Variants in MICAL2 observed in about 807,000 individuals in gnomAD.
The protein encoded by MICAL2 is microtubule associated monooxygenase, calponin and LIM domain containing 2.
Under a neutral mutation model 127.3 loss-of-function variants are expected in MICAL2, and 77 were observed. The observed-to-expected ratio is 0.60, with a 90% CI of 0.50 to 0.73. MICAL2 has a LOEUF of 0.73. Among genes scored for constraint, MICAL2 ranks in the 30% least tolerant of loss-of-function variants. The pLI is 0.00. For missense variants in MICAL2, 1,351 were observed against 1,434.4 expected, an observed-to-expected ratio of 0.94 and a Z score of 0.94; for synonymous variants, 570 against 551.1, an observed-to-expected ratio of 1.03 and a Z score of -0.48.
chr11:12,262,202 G>A lies in MICAL2; in HGVS notation c.3335-278G>A, dbSNP rs181390179. 1,321 of 1,326,924 alleles carry A rather than the reference G, an allele frequency of 1.0e-3. 13 individuals carry two copies. The highest frequency in any genetic ancestry group is 7.9e-3 in the African/African-American group (530 of 67,454). The allele number at this position is 1,326,924 out of a possible 1,614,324, so 82.2% of individuals were successfully genotyped here. A position where few individuals can be genotyped will look rare whatever the true frequency, so the allele number is the denominator to read the frequency against. ...CTCCGCAACATATTCAAGAATGAAT[G>A]GGAGACGCTAGAGTAAAATGGGGGC... On this transcript the variant is annotated intron_variant, in intron 26 of 27. Transcript: ENST00000683283.
chr11:12,196,349 T>G (rs1482236822), intron 3 of MICAL2: 1 of 152,010 alleles, frequency 6.6e-6, no homozygotes, highest in Non-Finnish European at 1.5e-5. Context: ...GTTATGTGAG[T>G]AATGCGTATT....
intron 4 of MICAL2, among the ~76,000 whole-genome samples, chr11:12,204,908 A>G (rs1042876458): frequency 3.9e-5 from 6 of 152,188 alleles, no homozygotes; most frequent in African/African-American, 9.7e-5. Flanking sequence ...ACACAAAACC[A>G]TTAATGGGCC....
chr11:12,208,311 GT>G (rs1405634702), intron 5 of MICAL2, 172 bp downstream of exon 5: 3 of 557,008 alleles, frequency 5.4e-6, no homozygotes, highest in Non-Finnish European at 9.5e-6. Context: ...ATGACTTTAG[GT>G]TTGCTGTTTG....
intron 2 of MICAL2, among the ~76,000 whole-genome samples, chr11:12,142,807 A>T (rs1028323971): frequency 7.9e-5 from 12 of 152,258 alleles, no homozygotes; most frequent in Admixed American, 5.2e-4. Flanking sequence ...GTCCATGCCC[A>T]CAAGGGCCAG....
chr11:12,127,661 T>C (rs578102976), intron 1 of MICAL2, among the ~76,000 whole-genome samples: 3 of 152,326 alleles, frequency 2.0e-5, no homozygotes, highest in African/African-American at 7.2e-5. Context: ...TACTGGGATC[T>C]TGAGCCCACA....
chr11:12,217,417 G>A (rs1464215999), intron 8 of MICAL2, among the ~76,000 whole-genome samples: 3 of 152,196 alleles, frequency 2.0e-5, no homozygotes, highest in Non-Finnish European at 4.4e-5. Context: ...TGCGGGCTTG[G>A]TGAAGTGGGC....
chr11:12,232,009 G>C (rs904546908), intron 15 of MICAL2, among the ~76,000 whole-genome samples: 1 of 152,202 alleles, frequency 6.6e-6, no homozygotes, highest in Non-Finnish European at 1.5e-5. Context: ...TCCTTTGCTT[G>C]TCTGAAAAAT....
At chr11:12,201,893 C>T (rs936087199) in intron 3 of MICAL2, among the ~76,000 whole-genome samples, 3 of 152,112 alleles carry the variant, frequency 2.0e-5, no homozygotes, top group African/African-American at 2.4e-5. Context: ...CCAAGGCGGG[C>T]AGATCACCTG....
rs74809114 is a variant in MICAL2, at chr11:12,147,205, A to G, written c.-78+8745A>G. ...GCACATGTACCCTAGCACTTAAAGT[A>G]TAATAATAATAAAAAAAAGAAAGCA... is the stretch of plus-strand genomic sequence containing the variant. On this transcript the variant is annotated intron_variant, in intron 2 of 27. Transcript: ENST00000683283. 9.5e-4 allele frequency among the ~76,000 whole-genome samples: 111 copies of G among 116,406 alleles called. No homozygotes were observed. The East Asian group carries it at 0.027, about 28-fold the overall frequency. The allele number at this position is 116,406 out of a possible 152,430, so 76.4% of individuals were successfully genotyped here. A position where few individuals can be genotyped will look rare whatever the true frequency, so the allele number is the denominator to read the frequency against.
At chr11:12,220,111 A>G in intron 8 of MICAL2, 90 bp from the exon 9 acceptor site, 1 of 1,488,620 alleles carries the variant, frequency 6.7e-7, no homozygotes, top group East Asian at 2.3e-5. Context: ...CACTGTAGGG[A>G]CCCATTCCAA....
intron 2 of MICAL2, among the ~76,000 whole-genome samples, chr11:12,149,189 C>T (rs546129342): frequency 2.6e-5 from 4 of 151,994 alleles, no homozygotes; most frequent in Admixed American, 6.6e-5. Flanking sequence ...GGAAGTGTGT[C>T]GGAGTGGAGT....
chr11:12,249,152 T>C (rs768552350), intron 21 of MICAL2, 32 bp from the exon 22 acceptor site: 1 of 1,611,952 alleles, frequency 6.2e-7, no homozygotes, highest in South Asian at 1.1e-5. Flanking sequence ...CTTATTTACC[T>C]AAAATGCATG....
At chr11:12,204,821 C>T (rs1057413497) in intron 4 of MICAL2, among the ~76,000 whole-genome samples, 2 of 152,134 alleles carry the variant, frequency 1.3e-5, no homozygotes, top group Non-Finnish European at 1.5e-5. Context: ...CCTGATGGAG[C>T]GCATTAAGAT....
chr11:12,231,584 C>T (rs1019552419), intron 15 of MICAL2, among the ~76,000 whole-genome samples: 3 of 152,230 alleles, frequency 2.0e-5, no homozygotes, highest in East Asian at 3.8e-4. Context: ...CTCCTCAGTA[C>T]TGGGGATGGA....
At chr11:12,318,036 A>T (rs971557497) in intron 29 of MICAL2, among the ~76,000 whole-genome samples, 6 of 152,214 alleles carry the variant, frequency 3.9e-5, no homozygotes, top group Admixed American at 1.3e-4. Context: ...GCAGTTTTCT[A>T]ATGTTGCAGT....
chr11:12,255,780 A>C, intron 23 of MICAL2, 30 bp downstream of exon 23: 1 of 1,575,318 alleles, frequency 6.3e-7, no homozygotes, highest in Non-Finnish European at 8.7e-7. Context: ...GCCTTCACCC[A>C]CAGACACTGG....
chr11:12,162,144 G>T lies in MICAL2; in HGVS notation c.-12G>T. 1 of 1,613,860 alleles carries T rather than the reference G, an allele frequency of 6.2e-7. No individual in the cohort carries two copies. Among genetic ancestry groups the T allele is most frequent in the South Asian group, 1.1e-5 (1 of 91,026 alleles). ...TCCTCGCCGCACCACTGCCGCACAC[G>T]ACTCCTGAACCATGGGGGAAAACGA... On this transcript the variant is annotated 5_prime_UTR_variant, in exon 3 of 28. Transcript: ENST00000683283.
intron 3 of MICAL2, among the ~76,000 whole-genome samples, chr11:12,167,926 G>A (rs952032064): frequency 1.3e-5 from 2 of 152,106 alleles, no homozygotes; most frequent in African/African-American, 2.4e-5. Context: ...CTTTTTAGCT[G>A]TCCTCATAGG....
At chr11:12,216,074 G>A in intron 7 of MICAL2, 145 bp from the exon 8 acceptor site, 1 of 626,786 alleles carries the variant, frequency 1.6e-6, no homozygotes, top group Non-Finnish European at 2.8e-6. Flanking sequence ...TTTTATCTTT[G>A]CCAGCCTTGT....
Sources: gnomAD v4.1 joint callset for allele counts (sites outside exome capture counted in the v4.1 genomes callset) on GRCh38, gnomAD v4.1.1 for gene constraint, MANE v1.5 for transcripts, NCBI Gene and HGNC (gene_info 2026-07-23, HGNC 2026-07-21) for gene names.